Variants in CDH13 observed in about 807,000 individuals in gnomAD.
The protein encoded by CDH13 is cadherin 13, also known as cadherin-13.
A neutral mutation model predicts 63.8 loss-of-function variants in CDH13; 24 were observed. The ratio of observed to expected loss-of-function variants is 0.38; its 90% CI spans 0.27 to 0.53. CDH13 has a LOEUF of 0.53. CDH13 is among the 20% of genes least tolerant of loss of function. The probability of loss-of-function intolerance (pLI) is 0.85; values close to 1 mark genes in which losing one functional copy is unlikely to be tolerated. For missense variants in CDH13, 1,049 were observed against 903.1 expected (o/e 1.16, Z -2.07); for synonymous variants, 503 against 355.3 (o/e 1.42, Z -4.67).
At chr16:83,238,794 C>T (rs1904288352) in intron 5 of CDH13, among the ~76,000 whole-genome samples, 1 of 152,084 alleles carries the variant, frequency 6.6e-6, no homozygotes, top group Admixed American at 6.5e-5. Context: ...TTGTTGAATG[C>T]CTTCTTTTTC....
chr16:82,908,447 G>C (rs1032649150), intron 2 of CDH13, among the ~76,000 whole-genome samples: 1 of 152,178 alleles, frequency 6.6e-6, no homozygotes, highest in Non-Finnish European at 1.5e-5. Context: ...CAATGGACAT[G>C]GCACCCCAGG....
chr16:82,864,434 G>A (rs79895202), intron 2 of CDH13, among the ~76,000 whole-genome samples: 1,836 of 152,208 alleles, frequency 0.012, 24 homozygotes, highest in Non-Finnish European at 0.021. Flanking sequence ...GGGTGGCCTC[G>A]GGAAGCTTAC....
At position 83,032,145 on chromosome 16, in the gene CDH13, C is replaced by T. The variant is rs762601185; in HGVS notation, c.293C>T (p.Ala98Val). ...TAVGKTLFVH[A>V]RTPHAEDMAE... ...GTGGGCAAAACTCTGTTCGTCCATG[C>T]ACGGACCCCCCATGCGGAAGATATG... The change falls in exon 3 of 14, where the codon GCA becomes GTA. Residue 98 changes from alanine (A) to valine (V), a missense_variant. Ala to Val is a moderately conservative substitution (Grantham distance 64). Transcript: ENST00000567109. 2 of 1,613,682 alleles carry T rather than the reference C, an allele frequency of 1.2e-6. No individual in the cohort carries two copies. Among genetic ancestry groups the T allele is most frequent in the Non-Finnish European group, 1.7e-6 (2 of 1,179,778 alleles).
intron 1 of CDH13, among the ~76,000 whole-genome samples, chr16:82,708,863 G>C (rs1312837133): frequency 6.6e-6 from 1 of 152,178 alleles, no homozygotes; most frequent in Admixed American, 6.5e-5. Flanking sequence ...CTGTGGAGCT[G>C]ACCAGCATCA....
At chr16:83,207,088 C>T (rs141203395) in intron 4 of CDH13, among the ~76,000 whole-genome samples, 2 of 152,300 alleles carry the variant, frequency 1.3e-5, no homozygotes, top group Non-Finnish European at 2.9e-5. Context: ...ATGTGGCCTA[C>T]AAAGAGAAAA....
intron 8 of CDH13, among the ~76,000 whole-genome samples, chr16:83,658,784 C>T (rs1316135355): frequency 6.8e-6 from 1 of 146,950 alleles, no homozygotes; most frequent in Non-Finnish European, 1.5e-5. Context: ...CCAGCAAGGT[C>T]TCATGTCCTC....
intron 7 of CDH13, among the ~76,000 whole-genome samples, chr16:83,523,674 G>C (rs2074892730): frequency 6.6e-6 from 1 of 152,168 alleles, no homozygotes; most frequent in African/African-American, 2.4e-5. Flanking sequence ...GCTGGCTTGG[G>C]CTCTTCCTAG....
At position 83,792,403 on chromosome 16, in the gene CDH13, C is replaced by G. The variant is rs3887011; in HGVS notation, c.2135-2620C>G. On this transcript the variant is annotated intron_variant, in intron 13 of 13. Transcript: ENST00000567109. ...TGACTTAAAACAGGAATTTGAGACTCTAATTTGAAAACAAGAGATTGGAGC... is the reference window on the plus strand; with the variant it reads ...TGACTTAAAACAGGAATTTGAGACTGTAATTTGAAAACAAGAGATTGGAGC... Among the ~76,000 whole-genome samples, 576 of 152,372 alleles carry G rather than the reference C, an allele frequency of 3.8e-3. 2 individuals are homozygous for G. The highest frequency in any genetic ancestry group is 0.013 in the African/African-American group (561 of 41,588).
At chr16:82,691,138 C>A (rs1341343772) in intron 1 of CDH13, among the ~76,000 whole-genome samples, 1 of 152,190 alleles carries the variant, frequency 6.6e-6, no homozygotes. Context: ...TAACAATCAG[C>A]CAAATGAACA....
At chr16:83,632,299 C>T (rs1269322004) in intron 8 of CDH13, among the ~76,000 whole-genome samples, 1 of 76,384 alleles carries the variant, frequency 1.3e-5, no homozygotes, top group East Asian at 4.4e-4. Flanking sequence ...GAGATGACTC[C>T]TAATTTCAGT....
intron 5 of CDH13, among the ~76,000 whole-genome samples, chr16:83,245,066 C>G (rs1221154949): frequency 6.6e-6 from 1 of 151,496 alleles, no homozygotes; most frequent in Non-Finnish European, 1.5e-5. Flanking sequence ...GCTGGCCTTT[C>G]TAGGGATAGC....
chr16:83,737,569 C>G (rs1338578204), intron 10 of CDH13, among the ~76,000 whole-genome samples: 1 of 151,716 alleles, frequency 6.6e-6, no homozygotes, highest in Admixed American at 6.6e-5. Context: ...CTGAGTTATT[C>G]CCCACTAAGG....
chr16:83,439,462 C>T (rs186809297), intron 6 of CDH13, among the ~76,000 whole-genome samples: 64 of 152,244 alleles, frequency 4.2e-4, no homozygotes, highest in African/African-American at 1.5e-3. Flanking sequence ...GCTGCTTTGG[C>T]GGAAGGGTCA....
intron 1 of CDH13, among the ~76,000 whole-genome samples, chr16:82,799,640 T>C (rs1567547856): frequency 6.6e-6 from 1 of 152,250 alleles, no homozygotes; most frequent in Non-Finnish European, 1.5e-5. Context: ...TGGGAGATAG[T>C]TGGTTCAGCA....
intron 5 of CDH13, among the ~76,000 whole-genome samples, chr16:83,321,470 C>G (rs895072367): frequency 6.6e-6 from 1 of 151,206 alleles, no homozygotes; most frequent in East Asian, 1.9e-4. Flanking sequence ...TTAAAGACAA[C>G]GACTAGGCTG....
intron 3 of CDH13, among the ~76,000 whole-genome samples, chr16:83,042,671 G>A (rs149030404): frequency 5.3e-5 from 8 of 152,288 alleles, no homozygotes; most frequent in Non-Finnish European, 1.0e-4. Context: ...GCCGAAAAAG[G>A]CTGGGGACTG....
chr16:83,712,671 T>C (rs1018785644), intron 10 of CDH13, among the ~76,000 whole-genome samples: 1 of 152,216 alleles, frequency 6.6e-6, no homozygotes, highest in Non-Finnish European at 1.5e-5. Flanking sequence ...TGTTATTCAA[T>C]TTGTCTACAC....
intron 7 of CDH13, among the ~76,000 whole-genome samples, chr16:83,584,629 A>T (rs1905967620): frequency 6.6e-6 from 1 of 152,216 alleles, no homozygotes. Context: ...GACCACCCAC[A>T]TGATCCCTCG....
At chr16:82,918,990 C>G (rs1345885336) in intron 2 of CDH13, among the ~76,000 whole-genome samples, 2 of 151,962 alleles carry the variant, frequency 1.3e-5, no homozygotes, top group African/African-American at 4.8e-5. Context: ...TAAGGTTTAA[C>G]TTTTTTCATG....
Sources: allele counts gnomAD v4.1 joint callset (sites outside exome capture counted in the v4.1 genomes callset), GRCh38; gene constraint gnomAD v4.1.1; transcripts MANE v1.5; gene names NCBI Gene and HGNC (gene_info 2026-07-23, HGNC 2026-07-21).